MTERF4: variants seen among roughly 807,000 people sequenced by gnomAD.
MTERF4 encodes mitochondrial transcription termination factor 4, also known as transcription termination factor 4, mitochondrial.
MTERF4 carries 17 observed loss-of-function variants against 22.5 expected under a neutral mutation model. That is an observed-to-expected ratio of 0.75 (90% CI 0.52 to 1.13). MTERF4 has a LOEUF of 1.13. Ranked by LOEUF, MTERF4 falls within the 50% of genes most tolerant of loss-of-function variation. The pLI, the probability that MTERF4 is intolerant of heterozygous loss-of-function variation, is 0.00. For synonymous variants in MTERF4, 165 were observed against 175.3 expected (o/e 0.94, Z 0.47); for missense variants, 420 against 466.8 (o/e 0.90, Z 0.92).
At chr2:241,046,723 G>T in the MTERF4 span, among the ~76,000 whole-genome samples, 4 of 152,180 alleles carry the variant, frequency 2.6e-5, no homozygotes, top group African/African-American at 9.7e-5. Flanking sequence ...CCTGACTGTG[G>T]TGGGGGTTAA....
downstream of MTERF4, chr2:241,072,023 A>G (rs1311890439): frequency 1.3e-6 from 1 of 791,368 alleles, no homozygotes; most frequent in Non-Finnish European, 2.2e-6. Context: ...GACTGTGCAC[A>G]AGGCGCGGGG....
chr2:241,056,781 C>G, the MTERF4 span, among the ~76,000 whole-genome samples: 2,489 of 151,252 alleles, frequency 0.016, 55 homozygotes, highest in African/African-American at 0.058. Context: ...CAGGGTTTCA[C>G]CGTGTTAGCC....
chr2:241,088,832 A>G (rs540166582), downstream of MTERF4: 183 of 218,076 alleles, frequency 8.4e-4, 1 homozygote, highest in African/African-American at 3.7e-3. Context: ...GGGCTCCAGG[A>G]GAGGGCTGAG....
chr2:241,087,407 C>A, downstream of MTERF4: 1 of 1,601,102 alleles, frequency 6.2e-7, no homozygotes. Context: ...AAAGAGTCTA[C>A]CGAGTTCACC....
At chr2:241,050,679 CTGCTTGGTT>C in the MTERF4 span, among the ~76,000 whole-genome samples, 1 of 152,228 alleles carries the variant, frequency 6.6e-6, no homozygotes, top group Non-Finnish European at 1.5e-5. Context: ...AAGACCCCAA[CTGCTTGGTT>C]CTTTGCAAGC....
chr2:241,067,683 A>G (rs905759156), downstream of MTERF4: 3 of 1,258,030 alleles, frequency 2.4e-6, no homozygotes, highest in African/African-American at 4.5e-5. Flanking sequence ...CACCCTCCCA[A>G]GCCTGGTTTC....
the MTERF4 span, among the ~76,000 whole-genome samples, chr2:241,043,255 C>A: frequency 6.6e-6 from 1 of 152,112 alleles, no homozygotes; most frequent in South Asian, 2.1e-4. Flanking sequence ...TAAAAAACCT[C>A]AAAAACAGCC....
chr2:241,049,991 C>A, the MTERF4 span: 1 of 1,249,060 alleles, frequency 8.0e-7, no homozygotes, highest in Non-Finnish European at 1.2e-6. Context: ...GCCCGCGGTC[C>A]GCCGTCCTGC....
chr2:241,045,311 A>G, the MTERF4 span, among the ~76,000 whole-genome samples: 1 of 152,210 alleles, frequency 6.6e-6, no homozygotes, highest in Non-Finnish European at 1.5e-5. Flanking sequence ...TGCTTCTAAA[A>G]TTTATATGGC....
chr2:241,088,637 G>C (rs1289779493), downstream of MTERF4: 1 of 549,864 alleles, frequency 1.8e-6, no homozygotes, highest in African/African-American at 1.9e-5. Context: ...GTGGAAATGA[G>C]GCTCTCTGTG....
At chr2:241,072,063 A>C (rs550938363), downstream of MTERF4, 6 of 703,302 alleles carry the variant, frequency 8.5e-6, no homozygotes, top group Non-Finnish European at 1.3e-5. Flanking sequence ...ATGCACCTCC[A>C]TGGCAGGAGG....
the MTERF4 span, chr2:241,064,774 G>A: frequency 1.8e-6 from 2 of 1,139,050 alleles, no homozygotes; most frequent in Non-Finnish European, 2.5e-6. This position sits in a 1 kb window ranked among gnomAD's most constrained non-coding sequence, Gnocchi z 7.0. Context: ...TGCCCCAGGA[G>A]CAAGGGCGGG....
intron 4 of MTERF4, among the ~76,000 whole-genome samples, chr2:241,081,043 C>T (rs577339719): frequency 1.3e-5 from 2 of 152,226 alleles, no homozygotes; most frequent in Non-Finnish European, 2.9e-5. Context: ...GTTGGTCAGG[C>T]TGCCAGCACT....
At chr2:241,057,228 A>T in the MTERF4 span, among the ~76,000 whole-genome samples, 1 of 151,640 alleles carries the variant, frequency 6.6e-6, no homozygotes, top group East Asian at 1.9e-4. Context: ...AAAATACAAA[A>T]ATTAGCTGGG....
downstream of MTERF4, among the ~76,000 whole-genome samples, chr2:241,067,246 A>G (rs1044005778): frequency 2.1e-4 from 32 of 152,202 alleles, 1 homozygote; most frequent in African/African-American, 7.7e-4. Context: ...CTGGTGCATC[A>G]GCAGTGGCAC....
the MTERF4 span, among the ~76,000 whole-genome samples, chr2:241,061,069 A>G: frequency 6.6e-6 from 1 of 152,228 alleles, no homozygotes; most frequent in Admixed American, 6.5e-5. Flanking sequence ...TGACCATATG[A>G]AAATTAGAAC....
chr2:241,097,235 A>G lies in MTERF4; in HGVS notation c.705+8T>C. ...AACTACGCTAATCACGCTATCAGTC[A>G]TTCTCACCTGAAACTTGTATTCCAG... On this transcript the variant is annotated splice_region_variant and intron_variant, in intron 3 of 3. Coordinates refer to ENST00000391980, the MANE Select transcript of MTERF4 (RefSeq NM_182501.4). 6.2e-7 allele frequency: 1 copy of G among 1,613,462 alleles called. No homozygotes were observed.
chr2:241,075,944 T>C lies in MTERF4; in HGVS notation n.480-262A>G, dbSNP rs577403448. ...TCATCTCTTCATGCTAAAAAGTCCCTTTTTCCCCCACTGTCAGTATCAAAA... is the reference window on the plus strand; with the variant it reads ...TCATCTCTTCATGCTAAAAAGTCCCCTTTTCCCCCACTGTCAGTATCAAAA... On this transcript the variant is annotated intron_variant and non_coding_transcript_variant, in intron 4 of 4. Transcript: ENST00000464344. The surrounding 1 kb of genome is among the most constrained non-coding windows in gnomAD (Gnocchi z 4.8). Among the ~76,000 whole-genome samples, 3 of 152,326 alleles carry C rather than the reference T, an allele frequency of 2.0e-5. No individual in the cohort carries two copies. The highest frequency in any genetic ancestry group is 2.1e-4 in the South Asian group (1 of 4,818).
chr2:241,073,570 G>T lies in MTERF4; in HGVS notation n.2592C>A. ...CAGTGGGACCCCACAGACGGGAACA[G>T]GCCAGGGGGCAGGACCCACCCAAAC... On this transcript the variant is annotated non_coding_transcript_exon_variant, in exon 5 of 5. Coordinates refer to the MTERF4 transcript ENST00000464344. This position sits in a 1 kb window ranked among gnomAD's most constrained non-coding sequence, Gnocchi z 6.6. 1.6e-6 allele frequency: 1 copy of T among 617,720 alleles called. No homozygotes were observed. 38.3% of individuals were successfully genotyped at this position (617,720 alleles called of 1,614,324 possible).
Sources: allele counts gnomAD v4.1 joint callset (sites outside exome capture counted in the v4.1 genomes callset), GRCh38; gene constraint gnomAD v4.1.1; non-coding constraint Gnocchi (gnomAD v3.1); transcripts MANE v1.5; gene names NCBI Gene and HGNC (gene_info 2026-07-23, HGNC 2026-07-21).